PCDHA10: variants seen among roughly 807,000 people sequenced by gnomAD.
PCDHA10 encodes protocadherin alpha-10.
PCDHA10 carries 45 observed loss-of-function variants against 61.2 expected under a neutral mutation model. That is an observed-to-expected ratio of 0.74 (90% CI 0.58 to 0.94). The LOEUF (loss-of-function observed/expected upper bound fraction) is 0.94. Among genes scored for constraint, PCDHA10 ranks in the 40% least tolerant of loss-of-function variants. The probability of loss-of-function intolerance (pLI) is 0.00; values close to 1 mark genes in which losing one functional copy is unlikely to be tolerated. For missense variants in PCDHA10, 1,278 were observed against 1,236.2 expected (o/e 1.03, Z -0.51); for synonymous variants, 602 against 548.8 (o/e 1.10, Z -1.35).
At chr5:140,951,276 T>C (rs1554219829) in intron 1 of PCDHA10, among the ~76,000 whole-genome samples, 1 of 152,200 alleles carries the variant, frequency 6.6e-6, no homozygotes, top group African/African-American at 2.4e-5. Context: ...CTATGTTAGG[T>C]AATTTTGGAT....
At chr5:140,880,877 A>G (rs1399131370) in intron 1 of PCDHA10, among the ~76,000 whole-genome samples, 8 of 152,232 alleles carry the variant, frequency 5.3e-5, no homozygotes, top group Non-Finnish European at 8.8e-5. Context: ...GAGGTAAATA[A>G]AGAAATGTAG....
Position 140,876,608 on chromosome 5 carries a change from C to T in PCDHA10, c.2388+18172C>T, listed in dbSNP as rs1267902187. On this transcript the variant is annotated intron_variant, in intron 1 of 3. Transcript: ENST00000307360. ...CTGATTAGCGTGTCGGATCGTGACT[C>T]TGGAGCCAATGGACAGGTCATCTGC... The T allele has an allele frequency of 5.0e-6, 8 of 1,614,070 alleles. No individual in the cohort carries two copies. The highest frequency in any genetic ancestry group is 5.9e-6 in the Non-Finnish European group (7 of 1,180,040).
chr5:140,876,976 C>A (rs782283591), intron 1 of PCDHA10: 2 of 1,612,586 alleles, frequency 1.2e-6, no homozygotes, highest in Admixed American at 1.7e-5. Context: ...GGTGGGCGAG[C>A]ACGCACTGTC....
At chr5:140,956,454 A>G (rs1276644004) in intron 1 of PCDHA10, among the ~76,000 whole-genome samples, 1 of 152,212 alleles carries the variant, frequency 6.6e-6, no homozygotes, top group African/African-American at 2.4e-5. Flanking sequence ...AATTACATTT[A>G]TTGATTTGCA....
intron 1 of PCDHA10, among the ~76,000 whole-genome samples, chr5:140,918,196 G>T (rs978589409): frequency 7.9e-5 from 12 of 152,102 alleles, no homozygotes; most frequent in Non-Finnish European, 1.6e-4. Flanking sequence ...CCTCAGCTTG[G>T]ATGTTGTTGG....
rs541015740 is a variant in PCDHA10 at position 140,862,949 on chromosome 5, C to T, written c.2388+4513C>T. 3 of 542,876 alleles carry T rather than the reference C, an allele frequency of 5.5e-6. No individual in the cohort carries two copies. In the Admixed American group the frequency reaches 5.9e-5, roughly 11 times the overall value. The allele number at this position is 542,876 out of a possible 1,614,324, so 33.6% of individuals were successfully genotyped here. A position where few individuals can be genotyped will look rare whatever the true frequency, so the allele number is the denominator to read the frequency against. On this transcript the variant is annotated intron_variant, in intron 1 of 3. Transcript: ENST00000307360. The stretch of plus-strand genomic sequence containing the variant: ...TGGCGGCGCTGTGAGTGAGCTGGTG[C>T]GGTATTCAGTGGATGCAGGCCACTT...
intron 1 of PCDHA10, chr5:140,870,699 C>T (rs1160091003): frequency 6.2e-7 from 1 of 1,613,004 alleles, no homozygotes. Flanking sequence ...TGCTACAGTT[C>T]CAGGTGAGCG....
chr5:140,921,779 T>C (rs1584242105), intron 1 of PCDHA10, among the ~76,000 whole-genome samples: 2 of 152,246 alleles, frequency 1.3e-5, no homozygotes, highest in East Asian at 3.9e-4. Context: ...AATACTGACT[T>C]GGATGTTCTA....
At chr5:140,969,342 G>A in intron 1 of PCDHA10, 1 of 1,613,630 alleles carries the variant, frequency 6.2e-7, no homozygotes, top group Non-Finnish European at 8.5e-7. Flanking sequence ...GTGAGACAGT[G>A]GTCAGGGGGT....
At chr5:140,960,068 T>C (rs144291604) in intron 1 of PCDHA10, among the ~76,000 whole-genome samples, 1 of 152,358 alleles carries the variant, frequency 6.6e-6, no homozygotes, top group African/African-American at 2.4e-5. Flanking sequence ...GAAGATTCAA[T>C]TGAAGTTTCT....
chr5:140,872,829 G>T (rs187637058), intron 1 of PCDHA10, among the ~76,000 whole-genome samples: 6 of 152,156 alleles, frequency 3.9e-5, no homozygotes, highest in African/African-American at 1.4e-4. Flanking sequence ...ATCTAGCAGA[G>T]AAAAAATTAA....
intron 1 of PCDHA10, chr5:140,870,960 C>A: frequency 6.2e-7 from 1 of 1,613,670 alleles, no homozygotes. Flanking sequence ...GCTCGCGCAT[C>A]CCGTTCCGCG....
intron 1 of PCDHA10, chr5:140,968,168 A>T (rs145694919): frequency 3.1e-6 from 5 of 1,614,098 alleles, no homozygotes; most frequent in Non-Finnish European, 4.2e-6. Context: ...CAATCCACCA[A>T]GCTTCCTGGA....
At chr5:140,870,630 G>A (rs2052239024) in intron 1 of PCDHA10, 15 of 1,613,008 alleles carry the variant, frequency 9.3e-6, no homozygotes, top group Non-Finnish European at 1.3e-5. Context: ...ACGTGTCGGT[G>A]CACGCGGAGA....
intron 3 of PCDHA10, among the ~76,000 whole-genome samples, chr5:140,985,188 C>T (rs1186148399): frequency 6.6e-6 from 1 of 152,192 alleles, no homozygotes; most frequent in African/African-American, 2.4e-5. Context: ...CCGCCTGCCT[C>T]GGTCTCCCAA....
Position 140,857,566 on chromosome 5 carries a change from C to G in PCDHA10, c.1518C>G (p.Tyr506Ter). The change falls in exon 1 of 4, where the codon TAC (tyrosine) becomes TAG (stop). Residue 506 changes from tyrosine (Y) to a stop codon, truncating the protein, a stop_gained. Transcript: ENST00000307360. LOFTEE classifies it high-confidence loss of function. The stretch of plus-strand genomic sequence containing the variant: ...TGGGCGAGCGCTCGCTGTCGAGCTA[C>G]GTGTCGGTGCACGCGGAGAGCGGCA... ...RRLGERSLSSYVSVHAESGKV... is the reference protein window; with the variant it reads ...RRLGERSLSS 1 of 1,596,798 alleles carries G rather than the reference C, an allele frequency of 6.3e-7. No homozygotes were observed. The highest frequency in any genetic ancestry group is 1.1e-5 in the South Asian group (1 of 90,492).
chr5:140,991,733 A>T (rs1360500460), intron 3 of PCDHA10, among the ~76,000 whole-genome samples: 1 of 152,136 alleles, frequency 6.6e-6, no homozygotes, highest in African/African-American at 2.4e-5. Flanking sequence ...TGTTCAAGGT[A>T]ATGTAGGCTC....
chr5:140,986,461 C>T (rs1554248079), intron 3 of PCDHA10, among the ~76,000 whole-genome samples: 1 of 152,154 alleles, frequency 6.6e-6, no homozygotes. Context: ...TTAATGAATG[C>T]CCTCTTGTGA....
chr5:140,856,880 T>TA lies in PCDHA10; in HGVS notation c.833dup (p.Tyr278Ter). Residue 278 changes from tyrosine (Y) to a stop codon, truncating the protein, a stop_gained and frameshift_variant, in exon 1 of 4, where the codon TAT (tyrosine) becomes TAAT (stop). Transcript: ENST00000307360. LOFTEE classifies it high-confidence loss of function. ...SDEGINKEMM[Y>*]SFSSLVPPTI... ...TGAAGGAATAAACAAGGAAATGATGTATTCATTTAGCTCTTTGGTCCCACC... is the reference window on the plus strand; with the variant it reads ...TGAAGGAATAAACAAGGAAATGATGTAATTCATTTAGCTCTTTGGTCCCACC... 6.3e-7 allele frequency: 1 copy of TA among 1,594,256 alleles called. No individual in the cohort carries two copies. The highest frequency in any genetic ancestry group is 8.6e-7 in the Non-Finnish European group (1 of 1,164,100).
Sources: allele counts gnomAD v4.1 joint callset (sites outside exome capture counted in the v4.1 genomes callset), GRCh38; gene constraint gnomAD v4.1.1; transcripts MANE v1.5; gene names NCBI Gene and HGNC (gene_info 2026-07-23, HGNC 2026-07-21).